Variants in PPARGC1A observed in about 807,000 individuals in gnomAD.
PPARGC1A encodes the protein PPARG coactivator 1 alpha, also known as peroxisome proliferator-activated receptor gamma coactivator 1-alpha.
PPARGC1A carries 25 observed loss-of-function variants against 88.7 expected under a neutral mutation model. That is an observed-to-expected ratio of 0.28 (90% confidence interval 0.21 to 0.39). The LOEUF is 0.39. PPARGC1A is among the 10% of genes least tolerant of loss of function. PPARGC1A has a pLI of 1.00. For missense variants in PPARGC1A, 880 were observed against 968.7 expected (o/e 0.91, Z 1.22); for synonymous variants, 363 against 355.6 (o/e 1.02, Z -0.24).
the PPARGC1A span, among the ~76,000 whole-genome samples, chr4:24,187,844 T>C: frequency 1.3e-5 from 2 of 152,222 alleles, no homozygotes; most frequent in Non-Finnish European, 2.9e-5. Flanking sequence ...AAATGTTTGA[T>C]AAATGCCCTG....
At chr4:24,111,387 A>G in the PPARGC1A span, among the ~76,000 whole-genome samples, 8 of 152,310 alleles carry the variant, frequency 5.3e-5, no homozygotes, top group Admixed American at 1.3e-4. Context: ...TAGTAAATAC[A>G]TTTAAAAAGA....
the PPARGC1A span, among the ~76,000 whole-genome samples, chr4:24,104,443 T>C: frequency 6.6e-6 from 1 of 152,100 alleles, no homozygotes; most frequent in African/African-American, 2.4e-5. Flanking sequence ...AGAAATCAGC[T>C]CAGATTCAAT....
intron 2 of PPARGC1A, chr4:23,880,770 G>C (rs1383569753): frequency 6.6e-6 from 1 of 152,188 alleles, no homozygotes; most frequent in East Asian, 1.9e-4. Context: ...CTTCCTGAGA[G>C]TTCCAGCAAT....
At chr4:24,155,047 G>T in the PPARGC1A span, among the ~76,000 whole-genome samples, 1 of 151,892 alleles carries the variant, frequency 6.6e-6, no homozygotes, top group African/African-American at 2.4e-5. Context: ...TCAGGGAAGA[G>T]CTAGGTTCCA....
At chr4:23,990,947 G>A in the PPARGC1A span, among the ~76,000 whole-genome samples, 1 of 151,880 alleles carries the variant, frequency 6.6e-6, no homozygotes, top group Non-Finnish European at 1.5e-5. Context: ...TAAAATAAAA[G>A]TATCTAAACA....
At chr4:24,080,964 T>G in the PPARGC1A span, among the ~76,000 whole-genome samples, 2 of 152,100 alleles carry the variant, frequency 1.3e-5, no homozygotes, top group Non-Finnish European at 2.9e-5. Context: ...ATTGAATGTT[T>G]GCGCTGAGAA....
At chr4:24,317,555 T>TGAAAAAAA in the PPARGC1A span, among the ~76,000 whole-genome samples, 2 of 22,208 alleles carry the variant, frequency 9.0e-5, no homozygotes, top group Non-Finnish European at 2.2e-4. Flanking sequence ...TTCAGAGGAC[T>TGAAAAAAA]AAAAAAAAAA....
the PPARGC1A span, among the ~76,000 whole-genome samples, chr4:24,407,807 C>A: frequency 6.6e-6 from 1 of 152,128 alleles, no homozygotes; most frequent in Non-Finnish European, 1.5e-5. Flanking sequence ...TCCATTAATT[C>A]ATGTAAAGTA....
the PPARGC1A span, among the ~76,000 whole-genome samples, chr4:23,987,611 G>A: frequency 3.9e-5 from 6 of 151,938 alleles, no homozygotes; most frequent in South Asian, 1.2e-3. Flanking sequence ...CATAAGCAGT[G>A]TCTCTCCTGT....
chr4:24,437,912 G>A, the PPARGC1A span, among the ~76,000 whole-genome samples: 2 of 152,030 alleles, frequency 1.3e-5, no homozygotes, highest in Admixed American at 1.3e-4. Flanking sequence ...CCTGACCACA[G>A]GTGATCCACC....
chr4:24,323,704 G>A, the PPARGC1A span, among the ~76,000 whole-genome samples: 8 of 152,156 alleles, frequency 5.3e-5, no homozygotes, highest in African/African-American at 1.7e-4. Flanking sequence ...CTCTTCACAC[G>A]GACGTGCATG....
chr4:24,119,986 C>G, the PPARGC1A span, among the ~76,000 whole-genome samples: 3 of 151,958 alleles, frequency 2.0e-5, no homozygotes, highest in African/African-American at 7.3e-5. Flanking sequence ...GGCCTGAGAA[C>G]AATGTAAATA....
intron 10 of PPARGC1A, among the ~76,000 whole-genome samples, chr4:23,802,959 T>C (rs930545587): frequency 1.3e-5 from 2 of 152,176 alleles, no homozygotes; most frequent in Non-Finnish European, 2.9e-5. Flanking sequence ...ATCTGTATAG[T>C]GCATTCTTTT....
the PPARGC1A span, among the ~76,000 whole-genome samples, chr4:24,111,983 A>G: frequency 6.6e-6 from 1 of 152,250 alleles, no homozygotes; most frequent in Admixed American, 6.5e-5. Flanking sequence ...TCAGATATGA[A>G]GTTATTCTTG....
the PPARGC1A span, among the ~76,000 whole-genome samples, chr4:24,188,423 G>C: frequency 6.6e-6 from 1 of 152,058 alleles, no homozygotes. Context: ...GGAACCCCTA[G>C]GCACATTATG....
At chr4:24,089,139 A>G in the PPARGC1A span, among the ~76,000 whole-genome samples, 1 of 152,242 alleles carries the variant, frequency 6.6e-6, no homozygotes, top group South Asian at 2.1e-4. Flanking sequence ...CTAAAGCTTC[A>G]GCATCCATCA....
chr4:23,916,174 TA>T, the PPARGC1A span, among the ~76,000 whole-genome samples: 3 of 152,366 alleles, frequency 2.0e-5, no homozygotes, highest in Non-Finnish European at 4.4e-5. Context: ...CTGGCACAAG[TA>T]AAACAACGTA....
chr4:24,344,921 G>T, the PPARGC1A span, among the ~76,000 whole-genome samples: 2 of 152,052 alleles, frequency 1.3e-5, no homozygotes, highest in Non-Finnish European at 2.9e-5. Flanking sequence ...ATCTTGAGTT[G>T]ATTTTTGTAT....
At chr4:24,372,525 G>A in the PPARGC1A span, among the ~76,000 whole-genome samples, 9 of 152,100 alleles carry the variant, frequency 5.9e-5, no homozygotes, top group Admixed American at 2.0e-4. Flanking sequence ...GCCTTTTCTC[G>A]TTTCTATTTG....
Sources: gnomAD v4.1 joint callset for allele counts (sites outside exome capture counted in the v4.1 genomes callset) on GRCh38, gnomAD v4.1.1 for gene constraint, MANE v1.5 for transcripts, NCBI Gene and HGNC (gene_info 2026-07-23, HGNC 2026-07-21) for gene names.